Variants in AK5 observed in about 807,000 individuals in gnomAD.
AK5 encodes adenylate kinase isoenzyme 5.
Under a neutral mutation model 69.5 loss-of-function variants are expected in AK5, and 27 were observed. The ratio of observed to expected loss-of-function variants is 0.39; its 90% CI spans 0.29 to 0.54. AK5 has a LOEUF of 0.54. Ranked by LOEUF, AK5 falls within the 20% of genes least tolerant of loss-of-function variation. The probability of loss-of-function intolerance (pLI) is 0.71; values close to 1 mark genes in which losing one functional copy is unlikely to be tolerated. For missense variants in AK5, 531 were observed against 700.4 expected (o/e 0.76, Z 2.73); for synonymous variants, 260 against 244.4 (o/e 1.06, Z -0.60).
intron 12 of AK5, among the ~76,000 whole-genome samples, chr1:77,524,246 T>C (rs533687958): frequency 6.6e-6 from 1 of 152,320 alleles, no homozygotes; most frequent in South Asian, 2.1e-4. Context: ...CATGACTACA[T>C]GTGTACAATA....
intron 8 of AK5, among the ~76,000 whole-genome samples, chr1:77,452,888 A>C (rs1350176432): frequency 6.6e-6 from 1 of 152,226 alleles, no homozygotes; most frequent in Non-Finnish European, 1.5e-5. Flanking sequence ...GTTTCATTTG[A>C]TCTCATTTTA....
chr1:77,444,416 G>GTATATATAGTATAAA (rs1404205198), intron 8 of AK5, among the ~76,000 whole-genome samples: 37 of 54,342 alleles, frequency 6.8e-4, no homozygotes, highest in South Asian at 3.0e-3. Flanking sequence ...ACTATATATA[G>GTATATATAGTATAAA]TATATACATA....
intron 8 of AK5, among the ~76,000 whole-genome samples, chr1:77,467,309 G>T (rs1654201487): frequency 6.6e-6 from 1 of 152,038 alleles, no homozygotes. Context: ...CTCCTTCATG[G>T]GTTTCTGTGA....
chr1:77,352,690 C>G (rs189198740), intron 6 of AK5, among the ~76,000 whole-genome samples: 7 of 152,266 alleles, frequency 4.6e-5, no homozygotes, highest in Admixed American at 4.6e-4. Context: ...TTGAACAACT[C>G]CAAGCTGGAA....
At chr1:77,381,808 T>C (rs1435809183) in intron 6 of AK5, among the ~76,000 whole-genome samples, 2 of 152,244 alleles carry the variant, frequency 1.3e-5, no homozygotes, top group African/African-American at 2.4e-5. Flanking sequence ...GAGACACTTA[T>C]TTAAAAGTAA....
chr1:77,366,215 C>T (rs1030869762), intron 6 of AK5, among the ~76,000 whole-genome samples: 1 of 152,134 alleles, frequency 6.6e-6, no homozygotes, highest in Admixed American at 6.5e-5. Flanking sequence ...TCAGGTCCTA[C>T]TTAGTTTCTT....
chr1:77,316,960 A>G (rs1469708988), intron 5 of AK5, among the ~76,000 whole-genome samples: 3 of 152,198 alleles, frequency 2.0e-5, no homozygotes, highest in African/African-American at 4.8e-5. Flanking sequence ...TGGTTGCTGC[A>G]TAACGAATCA....
At chr1:77,332,627 ATTT>A (rs941391686) in intron 5 of AK5, among the ~76,000 whole-genome samples, 5 of 148,206 alleles carry the variant, frequency 3.4e-5, no homozygotes, top group African/African-American at 5.0e-5. Context: ...TTATTTATTT[ATTT>A]ATTTTTATTA....
At chr1:77,556,817 A>G (rs1660127899) in intron 13 of AK5, among the ~76,000 whole-genome samples, 1 of 152,174 alleles carries the variant, frequency 6.6e-6, no homozygotes, top group Non-Finnish European at 1.5e-5. Flanking sequence ...AAGATGGCCC[A>G]CAACAAAATC....
At chr1:77,333,549 C>G (rs1557503945) in intron 5 of AK5, among the ~76,000 whole-genome samples, 1 of 147,872 alleles carries the variant, frequency 6.8e-6, no homozygotes. Flanking sequence ...AAATCTCCCC[C>G]CCACCATGCT....
At chr1:77,325,232 C>T (rs1203760109) in intron 5 of AK5, among the ~76,000 whole-genome samples, 1 of 150,160 alleles carries the variant, frequency 6.7e-6, no homozygotes, top group African/African-American at 2.5e-5. Context: ...GTCTCAAGCT[C>T]CTGACCTGGT....
intron 5 of AK5, among the ~76,000 whole-genome samples, chr1:77,330,917 A>T (rs889375493): frequency 6.6e-6 from 1 of 152,114 alleles, no homozygotes; most frequent in Non-Finnish European, 1.5e-5. Flanking sequence ...ACCATCCTTC[A>T]TTAGATTTTC....
At chr1:77,490,646 C>T (rs1202543097) in intron 10 of AK5, among the ~76,000 whole-genome samples, 1 of 152,172 alleles carries the variant, frequency 6.6e-6, no homozygotes, top group African/African-American at 2.4e-5. Flanking sequence ...ATATACAAGA[C>T]AGGAGCTCAA....
chr1:77,508,607 C>T (rs1657152003), intron 10 of AK5, among the ~76,000 whole-genome samples: 2 of 152,158 alleles, frequency 1.3e-5, no homozygotes, highest in South Asian at 4.1e-4. Context: ...TGGCTCTCAC[C>T]TGTAATACCA....
chr1:77,299,201 A>G (rs930357007), intron 5 of AK5, among the ~76,000 whole-genome samples: 4 of 151,754 alleles, frequency 2.6e-5, no homozygotes, highest in Non-Finnish European at 2.9e-5. Context: ...TGTGTTTTAA[A>G]TTTGCATTTC....
At chr1:77,288,991 C>G (rs191819925) in intron 2 of AK5, among the ~76,000 whole-genome samples, 278 of 152,220 alleles carry the variant, frequency 1.8e-3, no homozygotes, top group Non-Finnish European at 3.0e-3. Context: ...CAAATTTGCA[C>G]CAAATATTTT....
intron 6 of AK5, among the ~76,000 whole-genome samples, chr1:77,376,967 C>G (rs1213024670): frequency 6.6e-6 from 1 of 152,124 alleles, no homozygotes; most frequent in African/African-American, 2.4e-5. Context: ...ATCATTAAGT[C>G]ACACCATTAA....
intron 3 of AK5, among the ~76,000 whole-genome samples, chr1:77,297,040 A>G (rs1360809272): frequency 6.6e-6 from 1 of 152,204 alleles, no homozygotes; most frequent in African/African-American, 2.4e-5. Context: ...TTCAAAGGAT[A>G]TAAGGCAAGG....
chr1:77,470,275 C>T (rs573783118), intron 8 of AK5, among the ~76,000 whole-genome samples: 2 of 152,224 alleles, frequency 1.3e-5, no homozygotes, highest in Admixed American at 6.5e-5. Flanking sequence ...GAAGCCAAGG[C>T]GGGAGGATCA....
Sources: allele counts gnomAD v4.1 joint callset (sites outside exome capture counted in the v4.1 genomes callset), GRCh38; gene constraint gnomAD v4.1.1; transcripts MANE v1.5; gene names NCBI Gene and HGNC (gene_info 2026-07-23, HGNC 2026-07-21).